The following SOS1 variants were observed in gnomAD, a reference collection of about 807,000 sequenced individuals.
SOS1 encodes the protein son of sevenless homolog 1.
In SOS1, 25 loss-of-function variants were observed where a neutral mutation model predicts 157.6. The ratio of observed to expected loss-of-function variants is 0.16; its 90% CI spans 0.12 to 0.22. The LOEUF (loss-of-function observed/expected upper bound fraction) is 0.22. Ranked by LOEUF, SOS1 falls within the 10% of genes least tolerant of loss-of-function variation. The probability of loss-of-function intolerance (pLI) is 1.00; values close to 1 mark genes in which losing one functional copy is unlikely to be tolerated. For missense variants in SOS1, 1,237 were observed against 1,599.1 expected (o/e 0.77, Z 3.86); for synonymous variants, 528 against 534.0 (o/e 0.99, Z 0.16).
At chr2:39,011,041 G>A (rs577726966) in intron 14 of SOS1, among the ~76,000 whole-genome samples, 2 of 151,596 alleles carry the variant, frequency 1.3e-5, no homozygotes, top group Admixed American at 6.6e-5. Context: ...GATTACAGGC[G>A]CCCGTCATCA....
intron 17 of SOS1, among the ~76,000 whole-genome samples, chr2:39,005,822 A>C (rs1196758736): frequency 2.0e-5 from 3 of 152,136 alleles, no homozygotes; most frequent in African/African-American, 7.2e-5. Context: ...ACTCAGGCAG[A>C]GAAAAGATGA....
At chr2:39,076,583 T>C (rs1478366987) in intron 1 of SOS1, among the ~76,000 whole-genome samples, 3 of 152,184 alleles carry the variant, frequency 2.0e-5, no homozygotes, top group African/African-American at 7.2e-5. Context: ...TAACAATTCA[T>C]GGTTCCTAAC....
chr2:39,072,644 G>C (rs2148150516), intron 1 of SOS1, among the ~76,000 whole-genome samples: 1 of 152,168 alleles, frequency 6.6e-6, no homozygotes, highest in South Asian at 2.1e-4. Flanking sequence ...GCAAAATTTT[G>C]GAAATTCATA....
chr2:39,032,240 C>T (rs554328351), intron 8 of SOS1, among the ~76,000 whole-genome samples: 3 of 152,178 alleles, frequency 2.0e-5, no homozygotes, highest in African/African-American at 7.2e-5. Context: ...GAATTTACAC[C>T]TCCTAACTGA....
intron 1 of SOS1, chr2:39,082,773 G>C (rs533949490): frequency 2.8e-4 from 43 of 152,248 alleles, no homozygotes; most frequent in East Asian, 1.7e-3. Flanking sequence ...AGGTGTCAAG[G>C]TCAAAATAAA....
intron 16 of SOS1, 67 bp from the exon 17 acceptor site, chr2:39,006,596 G>C (rs1031308458): frequency 3.6e-6 from 3 of 824,282 alleles, no homozygotes; most frequent in Non-Finnish European, 6.4e-6. Context: ...AAAAATACTA[G>C]GCTAACAGAA....
intron 6 of SOS1, among the ~76,000 whole-genome samples, chr2:39,036,518 ATT>A (rs1013208969): frequency 6.6e-5 from 10 of 151,966 alleles, no homozygotes; most frequent in African/African-American, 2.4e-4. Context: ...GCCTGGTTAC[ATT>A]TTTTGTGTAT....
chr2:39,056,359 G>C (rs567015596), intron 4 of SOS1, among the ~76,000 whole-genome samples: 167 of 152,274 alleles, frequency 1.1e-3, no homozygotes, highest in Non-Finnish European at 1.8e-3. Flanking sequence ...GGAGGTTGCA[G>C]TGAGCCAAGA....
At position 38,986,315 on chromosome 2, in the gene SOS1, T is replaced by C; in HGVS notation, c.3511A>G (p.Ile1171Val). 6.2e-7 allele frequency: 1 copy of C among 1,611,242 alleles called. No individual in the cohort carries two copies. The highest frequency in any genetic ancestry group is 1.7e-5 in the Admixed American group (1 of 59,918). Residue 1171 changes from isoleucine to valine, a missense_variant and splice_region_variant, in exon 23 of 23, where the codon ATT becomes GTT. By Grantham distance (29) the Ile-to-Val change is conservative. This residue lies in a region of SOS1 where 306 missense variants were observed against 322.6 expected (regional missense o/e 0.95). Coordinates refer to ENST00000402219, the MANE Select transcript of SOS1 (RefSeq NM_005633.4). ...SAPAESSPSK[I>V]MSKHLDSPPA... ...GGACTGTCCAAATGCTTAGACATAATCTAACAAATGAAAAGAATAAAATAC... is the reference window on the plus strand; with the variant it reads ...GGACTGTCCAAATGCTTAGACATAACCTAACAAATGAAAAGAATAAAATAC...
chr2:39,121,247 G>T (rs972157390), upstream of SOS1, among the ~76,000 whole-genome samples: 1 of 152,162 alleles, frequency 6.6e-6, no homozygotes, highest in Non-Finnish European at 1.5e-5. Flanking sequence ...GGCCTGCAAG[G>T]GTGGGTGATG....
At chr2:39,072,742 A>G (rs537094974) in intron 1 of SOS1, among the ~76,000 whole-genome samples, 1 of 152,322 alleles carries the variant, frequency 6.6e-6, no homozygotes, top group African/African-American at 2.4e-5. Context: ...AGAAAATAAC[A>G]CGTGATGCCA....
At chr2:39,067,169 C>T (rs943068108) in intron 2 of SOS1, among the ~76,000 whole-genome samples, 5 of 152,038 alleles carry the variant, frequency 3.3e-5, no homozygotes, top group Admixed American at 3.3e-4. Context: ...TGCCACCATG[C>T]CTAGCTAGTT....
chr2:39,057,881 T>A (rs2124609263), intron 3 of SOS1, among the ~76,000 whole-genome samples: 1 of 95,770 alleles, frequency 1.0e-5, no homozygotes, highest in South Asian at 3.4e-4. Context: ...CAAGCAAACC[T>A]GAACTTTCTA....
chr2:39,073,440 C>A (rs762490425), intron 1 of SOS1, among the ~76,000 whole-genome samples: 11 of 152,168 alleles, frequency 7.2e-5, no homozygotes, highest in Admixed American at 2.0e-4. Context: ...AATTTAAGTA[C>A]AATTAATGCA....
At chr2:39,110,163 T>C (rs57359008) in intron 1 of SOS1, among the ~76,000 whole-genome samples, 1 of 151,816 alleles carries the variant, frequency 6.6e-6, no homozygotes, top group Admixed American at 6.6e-5. Context: ...AATCTGCAGA[T>C]GCTCAGTAAT....
chr2:39,020,583 G>C (rs1669766667), intron 10 of SOS1, among the ~76,000 whole-genome samples: 1 of 151,682 alleles, frequency 6.6e-6, no homozygotes, highest in Admixed American at 6.6e-5. Context: ...AGAAAGATGA[G>C]AGGAGAAGAG....
chr2:38,986,073 G>A lies in SOS1; in HGVS notation c.3753C>T (p.Asn1251=), dbSNP rs2124454963. Residue 1251 remains asparagine (N), a synonymous_variant, in exon 23 of 23, where the codon AAC becomes AAT. Coordinates refer to ENST00000402219, the MANE Select transcript of SOS1 (RefSeq NM_005633.4). The part of the protein sequence containing the change: ...KSDHGNAFFP[N]SPSPFTPPPP... Reference sequence around the variant, plus strand: ...GAGGTGGTGTAAAGGGGGAAGGGCTGTTTGGGAAGAAGGCATTGCCATGGT... The same window carrying A: ...GAGGTGGTGTAAAGGGGGAAGGGCTATTTGGGAAGAAGGCATTGCCATGGT... The A allele has an allele frequency of 6.2e-7, 1 of 1,613,968 alleles. No homozygotes were observed. Among genetic ancestry groups the A allele is most frequent in the Non-Finnish European group, 8.5e-7 (1 of 1,179,936 alleles).
intron 8 of SOS1, among the ~76,000 whole-genome samples, chr2:39,031,180 T>G (rs530229660): frequency 6.6e-6 from 1 of 152,196 alleles, no homozygotes; most frequent in Non-Finnish European, 1.5e-5. Flanking sequence ...AATACACTCA[T>G]GTACACACAA....
chr2:39,007,419 C>T, intron 15 of SOS1: 1 of 524,294 alleles, frequency 1.9e-6, no homozygotes, highest in Non-Finnish European at 3.4e-6. Context: ...CAATCATTTT[C>T]CTACTATATT....
Sources: gnomAD v4.1 joint callset for allele counts (sites outside exome capture counted in the v4.1 genomes callset) on GRCh38, gnomAD v4.1.1 for gene constraint, gnomAD v4.1.1 regional missense constraint, MANE v1.5 for transcripts, NCBI Gene and HGNC (gene_info 2026-07-23, HGNC 2026-07-21) for gene names.